Variants in CCDC91 observed in about 807,000 individuals in gnomAD.
CCDC91 encodes the protein coiled-coil domain containing 91, also known as coiled-coil domain-containing protein 91.
In CCDC91, 48 loss-of-function variants were observed where a neutral mutation model predicts 63.2. That is an observed-to-expected ratio of 0.76 (90% CI 0.60 to 0.97). The LOEUF is 0.97. CCDC91 is among the 50% of genes least tolerant of loss of function. The probability of loss-of-function intolerance (pLI) is 0.00; values close to 1 mark genes in which losing one functional copy is unlikely to be tolerated. For synonymous variants in CCDC91, 167 were observed against 165.8 expected (o/e 1.01, Z -0.06); for missense variants, 500 against 494.6 (o/e 1.01, Z -0.10).
At chr12:28,424,908 T>C (rs1178758589) in intron 8 of CCDC91, among the ~76,000 whole-genome samples, 1 of 152,144 alleles carries the variant, frequency 6.6e-6, no homozygotes, top group Non-Finnish European at 1.5e-5. Flanking sequence ...TTTATCTGTG[T>C]AGATAAAGTT....
At chr12:28,276,380 A>T (rs1948227393) in intron 3 of CCDC91, among the ~76,000 whole-genome samples, 1 of 152,014 alleles carries the variant, frequency 6.6e-6, no homozygotes, top group South Asian at 2.1e-4. Context: ...GTTTTCTAGA[A>T]TCTCCTACAG....
intron 3 of CCDC91, among the ~76,000 whole-genome samples, chr12:28,301,010 T>C (rs1227158052): frequency 6.6e-6 from 1 of 151,722 alleles, no homozygotes; most frequent in East Asian, 1.9e-4. Flanking sequence ...TGTATTCTCA[T>C]GATAGAAACA....
rs573390560 is a variant in CCDC91, at chr12:28,280,090, G to A, written c.109+20648G>A. Among the ~76,000 whole-genome samples the A allele has an allele frequency of 6.6e-5, 10 of 152,190 alleles. No homozygotes were observed. In the South Asian group the frequency reaches 1.9e-3, roughly 28 times the overall value. On this transcript the variant is annotated intron_variant, in intron 3 of 12. Coordinates refer to ENST00000536442, the MANE Select transcript of CCDC91 (RefSeq NM_018318.5). ...ATTTGTCTCAAAGGCACTCTGATAT[G>A]AGCAGAGTGTCACCTTTTAAAAAGT...
intron 7 of CCDC91, among the ~76,000 whole-genome samples, chr12:28,384,512 G>A (rs1945482125): frequency 1.3e-5 from 2 of 152,028 alleles, no homozygotes; most frequent in Admixed American, 6.6e-5. Context: ...GTCCATTAAT[G>A]GAGAAAATTT....
intron 7 of CCDC91, among the ~76,000 whole-genome samples, chr12:28,381,718 A>G (rs1335737412): frequency 6.6e-6 from 1 of 152,096 alleles, no homozygotes; most frequent in Non-Finnish European, 1.5e-5. Flanking sequence ...AATTTTTTTG[A>G]TAATTTTGTA....
intron 3 of CCDC91, among the ~76,000 whole-genome samples, chr12:28,300,038 T>C (rs1224605799): frequency 3.3e-5 from 5 of 151,486 alleles, no homozygotes; most frequent in Admixed American, 3.3e-4. Context: ...GTTTTTATAT[T>C]TGTTTTGACA....
chr12:28,437,788 G>A (rs1948987281), intron 8 of CCDC91, among the ~76,000 whole-genome samples: 1 of 151,610 alleles, frequency 6.6e-6, no homozygotes, highest in Non-Finnish European at 1.5e-5. Flanking sequence ...AAAATTCAAT[G>A]TTCTGTCATA....
intron 6 of CCDC91, among the ~76,000 whole-genome samples, chr12:28,336,453 G>A (rs553931623): frequency 8.1e-5 from 8 of 98,822 alleles, no homozygotes; most frequent in African/African-American, 1.9e-4. Flanking sequence ...TGGTTCCAGT[G>A]TTGTGATTTT....
At chr12:28,389,481 C>T (rs1241548010) in intron 7 of CCDC91, among the ~76,000 whole-genome samples, 1 of 152,014 alleles carries the variant, frequency 6.6e-6, no homozygotes, top group African/African-American at 2.4e-5. Flanking sequence ...CATTATCCTC[C>T]TTGACATTTC....
At chr12:28,363,151 A>G (rs764257026) in intron 7 of CCDC91, among the ~76,000 whole-genome samples, 40 of 152,230 alleles carry the variant, frequency 2.6e-4, no homozygotes, top group Admixed American at 3.9e-4. Flanking sequence ...AATTCAAACA[A>G]TTCTCCCTAG....
intron 11 of CCDC91, among the ~76,000 whole-genome samples, chr12:28,460,380 GA>G (rs1244993388): frequency 6.6e-6 from 1 of 152,032 alleles, no homozygotes; most frequent in Non-Finnish European, 1.5e-5. Context: ...GTGATCAAAA[GA>G]ATTTTAACTG....
In CCDC91 at chr12:28,456,412, A is replaced by C. The variant is rs535297970; in HGVS notation, c.1101+3758A>C. Among the ~76,000 whole-genome samples the C allele has an allele frequency of 1.2e-4, 18 of 152,212 alleles. No individual in the cohort carries two copies. The South Asian group carries it at 3.7e-3, about 32-fold the overall frequency. On this transcript the variant is annotated intron_variant, in intron 11 of 12. Coordinates refer to ENST00000536442, the MANE Select transcript of CCDC91 (RefSeq NM_018318.5). ...GTTAGGAAAGAAGCCAAACTCAGTA[A>C]ATTTTCATTTCATATAAGTCAATTT...
rs77708439 is a variant in CCDC91, at chr12:28,349,202, G to A, written c.577-13236G>A. 9.2e-3 allele frequency among the ~76,000 whole-genome samples: 1,402 copies of A among 152,070 alleles called. 27 individuals carry two copies. Among genetic ancestry groups the A allele is most frequent in the African/African-American group, 0.032 (1,332 of 41,488 alleles). On this transcript the variant is annotated intron_variant, in intron 6 of 12. Transcript: ENST00000536442. Reference sequence around the variant, plus strand: ...ATATTATTTTTTATTCCTATATAATGTTTCTTCTAACTGTGCTTTTTCCTT... The same window carrying A: ...ATATTATTTTTTATTCCTATATAATATTTCTTCTAACTGTGCTTTTTCCTT...
chr12:28,226,046 C>G (rs1169012452), intron 1 of CCDC91: 1 of 152,246 alleles, frequency 6.6e-6, no homozygotes, highest in African/African-American at 2.4e-5. Flanking sequence ...TTAAAGACTG[C>G]TCTACCTTGG....
chr12:28,439,076 C>A (rs1949050480), intron 8 of CCDC91, among the ~76,000 whole-genome samples: 1 of 152,166 alleles, frequency 6.6e-6, no homozygotes, highest in Admixed American at 6.5e-5. Context: ...TTCCTAATCA[C>A]TCCCTTAAGT....
chr12:28,431,442 T>C (rs1450361017), intron 8 of CCDC91, among the ~76,000 whole-genome samples: 1 of 152,178 alleles, frequency 6.6e-6, no homozygotes, highest in African/African-American at 2.4e-5. Context: ...TGTCTTCCTG[T>C]TGTTATTTTG....
chr12:28,309,466 A>C (rs1246387342), intron 6 of CCDC91, among the ~76,000 whole-genome samples: 1 of 152,026 alleles, frequency 6.6e-6, no homozygotes, highest in Non-Finnish European at 1.5e-5. Context: ...CATGTTGTTA[A>C]ATTTCCTATC....
chr12:28,330,917 G>C (rs1046882620), intron 6 of CCDC91, among the ~76,000 whole-genome samples: 1 of 152,158 alleles, frequency 6.6e-6, no homozygotes, highest in African/African-American at 2.4e-5. Flanking sequence ...AAACCCCTCA[G>C]ATATTGGAGA....
chr12:28,376,843 TG>T (rs1162424992), intron 7 of CCDC91, among the ~76,000 whole-genome samples: 3 of 151,888 alleles, frequency 2.0e-5, no homozygotes, highest in African/African-American at 7.2e-5. Context: ...AAATAACATT[TG>T]GGAAGAATTT....
Sources: allele counts gnomAD v4.1 joint callset (sites outside exome capture counted in the v4.1 genomes callset), GRCh38; gene constraint gnomAD v4.1.1; transcripts MANE v1.5; gene names NCBI Gene and HGNC (gene_info 2026-07-23, HGNC 2026-07-21).